CSMD3: variants seen among roughly 807,000 people sequenced by gnomAD.
The protein encoded by CSMD3 is CUB and sushi domain-containing protein 3.
A neutral mutation model predicts 435.2 loss-of-function variants in CSMD3; 177 were observed. The ratio of observed to expected loss-of-function variants is 0.41; its 90% CI spans 0.36 to 0.46. The LOEUF (loss-of-function observed/expected upper bound fraction) is 0.46, where lower values mean the gene tolerates loss of function less well. Ranked by LOEUF, CSMD3 falls within the 20% of genes least tolerant of loss-of-function variation. The pLI is 0.34. For synonymous variants in CSMD3, 1,656 were observed against 1,520.5 expected, an observed-to-expected ratio of 1.09 and a Z score of -2.07; for missense variants, 4,265 against 4,504.6, an observed-to-expected ratio of 0.95 and a Z score of 1.52.
chr8:113,427,890 T>C (rs947090449), intron 1 of CSMD3, among the ~76,000 whole-genome samples: 1 of 151,660 alleles, frequency 6.6e-6, no homozygotes, highest in African/African-American at 2.4e-5. Flanking sequence ...AATTTTATCA[T>C]TTTATATGTG....
At chr8:112,910,865 G>A (rs1228590878) in intron 10 of CSMD3, among the ~76,000 whole-genome samples, 3 of 151,796 alleles carry the variant, frequency 2.0e-5, no homozygotes, top group Non-Finnish European at 2.9e-5. Flanking sequence ...ATTTTACCCA[G>A]GTCACTGGTG....
intron 1 of CSMD3, among the ~76,000 whole-genome samples, chr8:113,395,797 C>A (rs1237626707): frequency 6.6e-6 from 1 of 152,086 alleles, no homozygotes; most frequent in East Asian, 1.9e-4. Context: ...TGTACCTTTG[C>A]TAAATAAACG....
chr8:112,680,418 C>G (rs1218533263), intron 16 of CSMD3, among the ~76,000 whole-genome samples: 1 of 152,068 alleles, frequency 6.6e-6, no homozygotes, highest in Non-Finnish European at 1.5e-5. Flanking sequence ...TACTGGTTCC[C>G]CAAAGCCGGA....
intron 13 of CSMD3, among the ~76,000 whole-genome samples, chr8:112,759,487 T>C (rs1366154128): frequency 6.6e-6 from 1 of 152,120 alleles, no homozygotes; most frequent in East Asian, 1.9e-4. Context: ...TGGTGATTCA[T>C]AACATTTATA....
chr8:113,153,545 C>T (rs910324217), intron 4 of CSMD3, among the ~76,000 whole-genome samples: 5 of 151,946 alleles, frequency 3.3e-5, no homozygotes, highest in Non-Finnish European at 7.4e-5. Flanking sequence ...TGTTTGGCAA[C>T]AAATGATTCA....
chr8:112,601,184 C>T (rs937030801), intron 22 of CSMD3, among the ~76,000 whole-genome samples: 1 of 151,952 alleles, frequency 6.6e-6, no homozygotes, highest in African/African-American at 2.4e-5. Context: ...ATTAATTTCT[C>T]TGCATACTAT....
chr8:112,290,597 T>C (rs931268956), intron 56 of CSMD3, among the ~76,000 whole-genome samples: 5 of 146,344 alleles, frequency 3.4e-5, no homozygotes, highest in African/African-American at 1.2e-4. Flanking sequence ...AGTACATGAA[T>C]GTTGTCACAA....
chr8:112,498,659 T>C (rs1821617019), intron 30 of CSMD3, among the ~76,000 whole-genome samples: 1 of 152,152 alleles, frequency 6.6e-6, no homozygotes, highest in Non-Finnish European at 1.5e-5. Flanking sequence ...TTATTAATAC[T>C]AATTTACAGT....
intron 22 of CSMD3, among the ~76,000 whole-genome samples, chr8:112,602,524 C>T (rs1832440815): frequency 6.7e-6 from 1 of 149,914 alleles, no homozygotes; most frequent in African/African-American, 2.5e-5. Context: ...CAAGATAGTG[C>T]CATTGCACTC....
At chr8:112,919,953 T>C (rs1308653802) in intron 10 of CSMD3, among the ~76,000 whole-genome samples, 3 of 151,854 alleles carry the variant, frequency 2.0e-5, no homozygotes, top group East Asian at 1.9e-4. Flanking sequence ...GTCAAGTTTC[T>C]TTATATGTTT....
At chr8:112,850,993 A>G (rs940383569) in intron 11 of CSMD3, among the ~76,000 whole-genome samples, 4 of 152,212 alleles carry the variant, frequency 2.6e-5, no homozygotes, top group Admixed American at 2.6e-4. Flanking sequence ...TATTACTTTT[A>G]TTTTTAATAT....
At chr8:113,151,194 C>T (rs1250311957) in intron 4 of CSMD3, among the ~76,000 whole-genome samples, 1 of 151,832 alleles carries the variant, frequency 6.6e-6, no homozygotes, top group South Asian at 2.1e-4. Flanking sequence ...AACACAATAC[C>T]ACATTCACTT....
At chr8:112,823,814 C>T (rs1326424295) in intron 12 of CSMD3, among the ~76,000 whole-genome samples, 1 of 151,974 alleles carries the variant, frequency 6.6e-6, no homozygotes, top group Non-Finnish European at 1.5e-5. Flanking sequence ...TGGGGTGGAG[C>T]GTTCTGTAGA....
At chr8:113,249,366 T>C (rs2093312523) in intron 3 of CSMD3, among the ~76,000 whole-genome samples, 6 of 152,104 alleles carry the variant, frequency 3.9e-5, no homozygotes, top group African/African-American at 1.4e-4. Context: ...ATATTCGGCA[T>C]GGAAACATTT....
At chr8:112,318,092 G>A (rs980514219) in intron 47 of CSMD3, among the ~76,000 whole-genome samples, 1 of 151,888 alleles carries the variant, frequency 6.6e-6, no homozygotes, top group African/African-American at 2.4e-5. Context: ...GTAACATAGC[G>A]AATCCTTGAA....
chr8:112,452,352 A>G (rs1816379170), intron 32 of CSMD3, among the ~76,000 whole-genome samples: 1 of 152,192 alleles, frequency 6.6e-6, no homozygotes, highest in Non-Finnish European at 1.5e-5. Flanking sequence ...CCCTAATTGA[A>G]TAATAAAATA....
At chr8:112,318,728 T>A (rs1822709149) in intron 47 of CSMD3, 109 bp downstream of exon 47, 3 of 720,604 alleles carry the variant, frequency 4.2e-6, no homozygotes, top group Non-Finnish European at 4.8e-6. Flanking sequence ...TAGCATTGTT[T>A]CCAGTTAAAC....
intron 5 of CSMD3, among the ~76,000 whole-genome samples, chr8:113,074,988 T>A (rs1240710616): frequency 6.6e-6 from 1 of 151,700 alleles, no homozygotes; most frequent in Admixed American, 6.6e-5. Flanking sequence ...TTAATTATAA[T>A]TTATGATAAT....
intron 59 of CSMD3, among the ~76,000 whole-genome samples, chr8:112,270,867 A>C (rs907015526): frequency 8.5e-5 from 13 of 152,194 alleles, no homozygotes; most frequent in African/African-American, 3.1e-4. Context: ...CTTATAATTA[A>C]AAAGTAAAAA....
Sources: gnomAD v4.1 joint callset for allele counts (sites outside exome capture counted in the v4.1 genomes callset) on GRCh38, gnomAD v4.1.1 for gene constraint, MANE v1.5 for transcripts, NCBI Gene and HGNC (gene_info 2026-07-23, HGNC 2026-07-21) for gene names.